PCNX1: variants seen among roughly 807,000 people sequenced by gnomAD.
PCNX1 encodes the protein pecanex-like protein 1.
A neutral mutation model predicts 242.2 loss-of-function variants in PCNX1; 78 were observed. That is an observed-to-expected ratio of 0.32 (90% CI 0.27 to 0.39). The LOEUF (loss-of-function observed/expected upper bound fraction) is 0.39, where lower values mean the gene tolerates loss of function less well. Among genes scored for constraint, PCNX1 ranks in the 10% least tolerant of loss-of-function variants. The pLI is 1.00. For synonymous variants in PCNX1, 1,024 were observed against 1,032.9 expected, an observed-to-expected ratio of 0.99 and a Z score of 0.17; for missense variants, 2,581 against 2,856.5, an observed-to-expected ratio of 0.90 and a Z score of 2.20.
chr14:70,988,335 T>C (rs1215794315), intron 6 of PCNX1, among the ~76,000 whole-genome samples: 3 of 152,228 alleles, frequency 2.0e-5, no homozygotes, highest in Non-Finnish European at 4.4e-5. Flanking sequence ...ATGGCAAGGC[T>C]AGATAATAAG....
At chr14:71,000,230 G>A (rs553001179) in intron 8 of PCNX1, among the ~76,000 whole-genome samples, 83 of 152,128 alleles carry the variant, frequency 5.5e-4, no homozygotes, top group Admixed American at 1.6e-3. Flanking sequence ...ATTCTACTTC[G>A]TTTTGGTAAA....
At chr14:71,096,906 G>C (rs2062300354) in intron 30 of PCNX1, among the ~76,000 whole-genome samples, 1 of 152,188 alleles carries the variant, frequency 6.6e-6, no homozygotes, top group African/African-American at 2.4e-5. Flanking sequence ...GGTTCTAGAA[G>C]AAGCTGTGGA....
intron 30 of PCNX1, 101 bp downstream of exon 30, chr14:71,089,443 C>A: frequency 3.6e-6 from 3 of 830,586 alleles, no homozygotes; most frequent in South Asian, 2.0e-5. Context: ...AAGGAATACC[C>A]GAGACTGGGT....
At chr14:71,081,132 G>C (rs1566785415) in intron 28 of PCNX1, among the ~76,000 whole-genome samples, 1 of 151,902 alleles carries the variant, frequency 6.6e-6, no homozygotes, top group Non-Finnish European at 1.5e-5. Flanking sequence ...ATAATCATGT[G>C]GTTTTTGTCA....
At chr14:71,064,435 T>C (rs1180736854) in intron 26 of PCNX1, among the ~76,000 whole-genome samples, 1 of 152,126 alleles carries the variant, frequency 6.6e-6, no homozygotes, top group Non-Finnish European at 1.5e-5. Context: ...CTCAGTTGGG[T>C]AAATGTCCAA....
intron 1 of PCNX1, among the ~76,000 whole-genome samples, chr14:70,942,187 G>T (rs1014943728): frequency 2.6e-5 from 4 of 152,154 alleles, no homozygotes; most frequent in Non-Finnish European, 4.4e-5. Flanking sequence ...AAATGCAGAA[G>T]TCACCTGTCT....
At chr14:71,026,401 G>T in intron 14 of PCNX1, 113 bp downstream of exon 14, 1 of 625,438 alleles carries the variant, frequency 1.6e-6, no homozygotes, top group Non-Finnish European at 2.6e-6. Flanking sequence ...TTATTTTACT[G>T]TTATTATGTG....
intron 3 of PCNX1, among the ~76,000 whole-genome samples, chr14:70,962,538 C>T (rs1208402755): frequency 4.6e-5 from 7 of 152,168 alleles, no homozygotes; most frequent in African/African-American, 7.2e-5. Flanking sequence ...TTACCACAGA[C>T]TCATCTTTGG....
At chr14:71,061,287 A>G (rs542549788) in intron 26 of PCNX1, among the ~76,000 whole-genome samples, 24 of 152,302 alleles carry the variant, frequency 1.6e-4, no homozygotes, top group African/African-American at 5.8e-4. Flanking sequence ...AGTGTATTGC[A>G]GGAGCAATCA....
At chr14:71,015,105 A>G (rs2140634418) in intron 11 of PCNX1, among the ~76,000 whole-genome samples, 1 of 152,338 alleles carries the variant, frequency 6.6e-6, no homozygotes, top group South Asian at 2.1e-4. Flanking sequence ...TAGCAAAAAT[A>G]CCTTTTAAAA....
intron 15 of PCNX1, among the ~76,000 whole-genome samples, chr14:71,027,771 T>C (rs954568284): frequency 2.6e-5 from 4 of 151,906 alleles, no homozygotes; most frequent in African/African-American, 4.8e-5. Flanking sequence ...GTTTTGAAAA[T>C]TTTTTGAAGG....
At chr14:71,092,664 T>G (rs763683038) in intron 30 of PCNX1, 2 of 152,258 alleles carry the variant, frequency 1.3e-5, no homozygotes, top group African/African-American at 2.4e-5. Flanking sequence ...ATTTTTTTAG[T>G]AAGGAAGAGC....
intron 1 of PCNX1, among the ~76,000 whole-genome samples, chr14:70,918,547 A>C (rs2056241283): frequency 6.6e-6 from 1 of 152,264 alleles, no homozygotes; most frequent in African/African-American, 2.4e-5. Context: ...AGTTACCAAA[A>C]TGTGACACAC....
At chr14:71,058,856 T>C (rs2141256833) in intron 26 of PCNX1, among the ~76,000 whole-genome samples, 2 of 152,346 alleles carry the variant, frequency 1.3e-5, no homozygotes, top group Non-Finnish European at 2.9e-5. Flanking sequence ...ATTCTTGCCT[T>C]ATGAATATTT....
intron 2 of PCNX1, among the ~76,000 whole-genome samples, chr14:70,950,795 T>C (rs1282436509): frequency 1.3e-5 from 2 of 152,106 alleles, no homozygotes; most frequent in African/African-American, 4.8e-5. Flanking sequence ...TGTATATTTT[T>C]CTATTGGTGG....
intron 33 of PCNX1, 53 bp downstream of exon 33, chr14:71,105,493 TG>T: frequency 7.4e-7 from 1 of 1,359,718 alleles, no homozygotes; most frequent in Non-Finnish European, 1.0e-6. Context: ...CCATAGAGGC[TG>T]GTTAGTATAT....
At chr14:71,055,640 T>A in intron 25 of PCNX1, 78 bp downstream of exon 25, 7 of 801,138 alleles carry the variant, frequency 8.7e-6, no homozygotes, top group Non-Finnish European at 1.4e-5. Context: ...CACTCCTAAC[T>A]TGTTGGGAAT....
chr14:71,069,618 A>G lies in PCNX1; in HGVS notation c.4853-3927A>G, dbSNP rs141627619. 5.2e-3 allele frequency among the ~76,000 whole-genome samples: 799 copies of G among 152,358 alleles called. 4 individuals carry two copies. The highest frequency in any genetic ancestry group is 0.019 in the African/African-American group (771 of 41,588). On this transcript the variant is annotated intron_variant, in intron 26 of 35. Transcript: ENST00000304743. Reference sequence around the variant, plus strand: ...TGCTTGGTTTTCCACTGCATATAAAAGTTATGTTTACATTATATGGTAGTG... The same window carrying G: ...TGCTTGGTTTTCCACTGCATATAAAGGTTATGTTTACATTATATGGTAGTG...
In PCNX1 at chr14:70,977,700, G is replaced by A; in HGVS notation, c.1363G>A (p.Ala455Thr). The stretch of plus-strand genomic sequence containing the variant: ...CAAAAGGACTAGCAGTGAAAAGATT[G>A]CTATGGAAGCGAGTACCAACAGTGG... ...SDKRTSSEKI[A>T]MEASTNSGVH... Residue 455 changes from alanine to threonine, a missense_variant, in exon 6 of 36, where the codon GCT (alanine) becomes ACT (threonine). Around this residue, in one of 9 missense-constraint regions of PCNX1, gnomAD observed 1,204 missense variants for 1,216.7 expected, o/e 0.99. Transcript: ENST00000304743. 6.2e-7 allele frequency: 1 copy of A among 1,614,134 alleles called. No individual in the cohort carries two copies. The highest frequency in any genetic ancestry group is 8.5e-7 in the Non-Finnish European group (1 of 1,180,030).
Sources: allele counts gnomAD v4.1 joint callset (sites outside exome capture counted in the v4.1 genomes callset), GRCh38; gene constraint gnomAD v4.1.1; regional missense constraint gnomAD v4.1.1; transcripts MANE v1.5; gene names NCBI Gene and HGNC (gene_info 2026-07-23, HGNC 2026-07-21).